The following XKR4 variants were observed in gnomAD, a reference collection of about 807,000 sequenced individuals.
XKR4 encodes the protein XK-related protein 4.
A neutral mutation model predicts 53.9 loss-of-function variants in XKR4; 12 were observed. The observed-to-expected ratio is 0.22, with a 90% CI of 0.14 to 0.36. The LOEUF is 0.36. Among genes scored for constraint, XKR4 ranks in the 10% least tolerant of loss-of-function variants. The pLI, the probability that XKR4 is intolerant of heterozygous loss-of-function variation, is 1.00. For missense variants in XKR4, 799 were observed against 859.5 expected (o/e 0.93, Z 0.88); for synonymous variants, 354 against 362.4 (o/e 0.98, Z 0.26).
At chr8:55,487,421 A>C (rs945407911) in intron 2 of XKR4, among the ~76,000 whole-genome samples, 1 of 151,918 alleles carries the variant, frequency 6.6e-6, no homozygotes, top group Non-Finnish European at 1.5e-5. Flanking sequence ...ACACCCTCAC[A>C]GACACACCCA....
intron 1 of XKR4, among the ~76,000 whole-genome samples, chr8:55,195,564 T>A (rs34322939): frequency 0.093 from 14,142 of 151,960 alleles, 1,731 homozygotes; most frequent in African/African-American, 0.28. Context: ...AAATATCTAG[T>A]TTTTTAAAAA....
chr8:55,424,843 T>C (rs1034953653), intron 2 of XKR4, among the ~76,000 whole-genome samples: 1 of 152,222 alleles, frequency 6.6e-6, no homozygotes, highest in Admixed American at 6.5e-5. Flanking sequence ...CTCCACCCTG[T>C]TGCCTATTGC....
intron 1 of XKR4, among the ~76,000 whole-genome samples, chr8:55,285,112 A>G (rs533195587): frequency 9.9e-5 from 15 of 152,204 alleles, no homozygotes; most frequent in Non-Finnish European, 1.9e-4. Flanking sequence ...AGATCTTACA[A>G]TGGTTTGTAA....
intron 1 of XKR4, among the ~76,000 whole-genome samples, chr8:55,303,816 T>G (rs1454112418): frequency 2.0e-5 from 3 of 152,214 alleles, no homozygotes; most frequent in Admixed American, 2.0e-4. Flanking sequence ...TGATGGTAGT[T>G]TGTATTTCTG....
Position 55,379,932 on chromosome 8 carries a change from A to G in XKR4, c.1006+22055A>G, listed in dbSNP as rs145041148. Reference sequence around the variant, plus strand: ...TTTCTCTGAAATGGGAAACTACCTCAAGTGTTATGAGCACTGTCAACACTT... The same window carrying G: ...TTTCTCTGAAATGGGAAACTACCTCGAGTGTTATGAGCACTGTCAACACTT... On this transcript the variant is annotated intron_variant, in intron 2 of 2. Transcript: ENST00000327381. Among the ~76,000 whole-genome samples the G allele has an allele frequency of 3.9e-5, 6 of 152,314 alleles. No individual in the cohort carries two copies. In the East Asian group the frequency reaches 1.2e-3, roughly 29 times the overall value.
chr8:55,513,867 G>A (rs1224245315), intron 2 of XKR4, among the ~76,000 whole-genome samples: 1 of 152,242 alleles, frequency 6.6e-6, no homozygotes, highest in Non-Finnish European at 1.5e-5. Context: ...AAATGTGGGT[G>A]TAAATCCTGC....
At chr8:55,371,371 A>G (rs924254095) in intron 2 of XKR4, among the ~76,000 whole-genome samples, 1 of 152,092 alleles carries the variant, frequency 6.6e-6, no homozygotes, top group Non-Finnish European at 1.5e-5. Context: ...ACGTAATTAG[A>G]TTTATTCCCA....
At chr8:55,419,214 G>A (rs1003183856) in intron 2 of XKR4, among the ~76,000 whole-genome samples, 7 of 152,066 alleles carry the variant, frequency 4.6e-5, no homozygotes, top group Non-Finnish European at 1.0e-4. Flanking sequence ...GTGAAACCCC[G>A]TCTCTACTAA....
intron 2 of XKR4, chr8:55,454,479 T>G: frequency 8.4e-7 from 1 of 1,188,424 alleles, no homozygotes; most frequent in Non-Finnish European, 1.2e-6. Flanking sequence ...TCCATGAGGG[T>G]GGCACAGACC....
At chr8:55,261,837 A>G (rs1405242667) in intron 1 of XKR4, among the ~76,000 whole-genome samples, 3 of 152,000 alleles carry the variant, frequency 2.0e-5, no homozygotes, top group Non-Finnish European at 4.4e-5. Context: ...TGAGAAGGTG[A>G]TATTAAGTTC....
intron 1 of XKR4, among the ~76,000 whole-genome samples, chr8:55,333,370 G>A (rs568710454): frequency 1.4e-4 from 21 of 152,170 alleles, no homozygotes; most frequent in African/African-American, 4.8e-4. Context: ...TGGCTCTATG[G>A]AGGGGAAGAC....
intron 1 of XKR4, among the ~76,000 whole-genome samples, chr8:55,278,699 T>C (rs1818797660): frequency 6.6e-6 from 1 of 152,180 alleles, no homozygotes; most frequent in African/African-American, 2.4e-5. Context: ...ATATTTTAAT[T>C]TCATTATATA....
At chr8:55,128,583 A>G (rs1242900989) in intron 1 of XKR4, among the ~76,000 whole-genome samples, 1 of 152,192 alleles carries the variant, frequency 6.6e-6, no homozygotes, top group Non-Finnish European at 1.5e-5. Flanking sequence ...TAAAAGCACC[A>G]CACTTCATGT....
Position 55,443,941 on chromosome 8 carries a change from A to C in XKR4, c.1007-79340A>C, listed in dbSNP as rs139097337. The stretch of plus-strand genomic sequence containing the variant: ...ATTCCAACACTTTGAGAAGCCAAGG[A>C]GGGCAGATCACTTGAGCTCAGGAAT... On this transcript the variant is annotated intron_variant, in intron 2 of 2. Transcript: ENST00000327381. Among the ~76,000 whole-genome samples the C allele has an allele frequency of 2.3e-4, 35 of 152,144 alleles. No individual in the cohort carries two copies. In the East Asian group the frequency reaches 6.8e-3, roughly 29 times the overall value.
chr8:55,434,749 C>A (rs1472633644), intron 2 of XKR4, among the ~76,000 whole-genome samples: 1 of 152,176 alleles, frequency 6.6e-6, no homozygotes, highest in East Asian at 1.9e-4. Context: ...TGTGTTTCGA[C>A]TTTGCTGCTT....
In XKR4 at chr8:55,281,008, AC is replaced by A. The variant is rs529890595; in HGVS notation, c.807-76669del. Reference sequence around the variant, plus strand: ...GTTAAAATGTACTATACAACGAACTACTTGTTCTACCAAGTTCTTTTCTCTG... The same window carrying A: ...GTTAAAATGTACTATACAACGAACTATTGTTCTACCAAGTTCTTTTCTCTG... On this transcript the variant is annotated intron_variant, in intron 1 of 2. Coordinates refer to ENST00000327381, the MANE Select transcript of XKR4 (RefSeq NM_052898.2). Among the ~76,000 whole-genome samples, 50 of 152,314 alleles carry A rather than the reference AC, an allele frequency of 3.3e-4. 1 individual carries two copies. The highest frequency in any genetic ancestry group is 1.2e-3 in the African/African-American group (49 of 41,558).
intron 2 of XKR4, among the ~76,000 whole-genome samples, chr8:55,519,651 G>A (rs1196777701): frequency 6.6e-6 from 1 of 152,166 alleles, no homozygotes; most frequent in Non-Finnish European, 1.5e-5. Flanking sequence ...AAAAATTTTG[G>A]AATGGACATT....
intron 1 of XKR4, among the ~76,000 whole-genome samples, chr8:55,333,920 C>G (rs755511977): frequency 6.6e-6 from 1 of 152,106 alleles, no homozygotes; most frequent in Non-Finnish European, 1.5e-5. Flanking sequence ...TTAGTTTTCT[C>G]TTAATGAGGA....
At chr8:55,363,359 T>C (rs949182599) in intron 2 of XKR4, among the ~76,000 whole-genome samples, 2 of 152,170 alleles carry the variant, frequency 1.3e-5, no homozygotes, top group South Asian at 4.1e-4. Context: ...GAATACTTCG[T>C]GAAAGGAAAA....
Sources: allele counts gnomAD v4.1 joint callset (sites outside exome capture counted in the v4.1 genomes callset), GRCh38; gene constraint gnomAD v4.1.1; transcripts MANE v1.5; gene names NCBI Gene and HGNC (gene_info 2026-07-23, HGNC 2026-07-21).